The following MVB12B variants were observed in gnomAD, a reference collection of about 807,000 sequenced individuals.
The protein encoded by MVB12B is multivesicular body subunit 12B, also known as ESCRT-I complex subunit MVB12B.
Under a neutral mutation model 41.6 loss-of-function variants are expected in MVB12B, and 16 were observed. The observed-to-expected ratio is 0.38, with a 90% CI of 0.26 to 0.58. The LOEUF (loss-of-function observed/expected upper bound fraction) is 0.58. Among genes scored for constraint, MVB12B ranks in the 20% least tolerant of loss-of-function variants. MVB12B has a pLI of 0.62. For missense variants in MVB12B, 274 were observed against 380.2 expected (o/e 0.72, Z 2.32); for synonymous variants, 133 against 139.7 (o/e 0.95, Z 0.34).
rs7873309 is a variant in MVB12B at position 126,366,273 on chromosome 9, G to C, written c.205-14791G>C. On this transcript the variant is annotated intron_variant, in intron 2 of 9. Transcript: ENST00000361171. Reference sequence around the variant, plus strand: ...CTCAATTCCTAAATTGTCTAACTCAGTGGCTCTTTCCTAATCCGTATTCTT... The same window carrying C: ...CTCAATTCCTAAATTGTCTAACTCACTGGCTCTTTCCTAATCCGTATTCTT... Among the ~76,000 whole-genome samples the C allele has an allele frequency of 8.0e-3, 1,214 of 151,972 alleles. 22 individuals are homozygous for C. The highest frequency in any genetic ancestry group is 0.028 in the African/African-American group (1,170 of 41,390).
intron 7 of MVB12B, among the ~76,000 whole-genome samples, chr9:126,449,177 C>CT (rs1832845982): frequency 6.6e-6 from 1 of 152,242 alleles, no homozygotes; most frequent in South Asian, 2.1e-4. Context: ...GGGGCCTGGA[C>CT]TGGCAGAGAG....
chr9:126,397,727 GTGT>G (rs944900156), intron 6 of MVB12B: 8 of 622,562 alleles, frequency 1.3e-5, no homozygotes, highest in Non-Finnish European at 1.6e-5. Context: ...GTTTTTTTGT[GTGT>G]TGTTTTCCTA....
chr9:126,327,253 G>A (rs1588073573), intron 1 of MVB12B: 4 of 984,512 alleles, frequency 4.1e-6, no homozygotes, highest in Non-Finnish European at 4.8e-6. Flanking sequence ...GGCGGGAGAA[G>A]CTGGGGGACC....
chr9:126,406,568 C>T (rs1215742429), intron 6 of MVB12B, among the ~76,000 whole-genome samples: 5 of 152,170 alleles, frequency 3.3e-5, no homozygotes, highest in Admixed American at 3.3e-4. Context: ...CTAGCAGTGC[C>T]CATATGTTCC....
intron 7 of MVB12B, chr9:126,448,273 GC>G (rs1471789770): frequency 6.6e-6 from 1 of 152,538 alleles, no homozygotes; most frequent in Non-Finnish European, 1.5e-5. Flanking sequence ...GTGGGCACAA[GC>G]CCTGCTTTCA....
At chr9:126,447,482 A>C (rs1832801911) in intron 7 of MVB12B, among the ~76,000 whole-genome samples, 1 of 152,086 alleles carries the variant, frequency 6.6e-6, no homozygotes, top group South Asian at 2.1e-4. Flanking sequence ...TAGAAAAGAC[A>C]TTTCTAAGTA....
chr9:126,390,951 CAAAA>C (rs1214109113), intron 4 of MVB12B, among the ~76,000 whole-genome samples: 1 of 76,616 alleles, frequency 1.3e-5, no homozygotes, highest in African/African-American at 4.7e-5. Flanking sequence ...GACTCCATCT[CAAAA>C]AAAAAAAAAA....
chr9:126,330,922 T>C (rs1001753713), intron 1 of MVB12B, among the ~76,000 whole-genome samples: 18 of 152,204 alleles, frequency 1.2e-4, no homozygotes, highest in African/African-American at 4.3e-4. Flanking sequence ...GTTCATCATG[T>C]TGTAGCATAT....
At chr9:126,499,644 G>A in intron 9 of MVB12B, among the ~76,000 whole-genome samples, 1 of 152,200 alleles carries the variant, frequency 6.6e-6, no homozygotes, top group East Asian at 1.9e-4. Context: ...CTGCGGGAAG[G>A]CGGCCGCAGC....
chr9:126,453,361 C>T (rs1005684644), intron 7 of MVB12B, among the ~76,000 whole-genome samples: 8 of 152,144 alleles, frequency 5.3e-5, no homozygotes, highest in East Asian at 1.9e-4. Flanking sequence ...GCTGAGCACC[C>T]GGAGCAGACC....
rs116175727 is a variant in MVB12B at position 126,396,484 on chromosome 9, C to T, written c.662+787C>T. ...TAAATGAGAATGGATCTCCAAGCTT[C>T]CACGTGGGTGAATAGAGATGAACAA... On this transcript the variant is annotated intron_variant, in intron 6 of 9. Transcript: ENST00000361171. 2,840 of 985,472 alleles carry T rather than the reference C, an allele frequency of 2.9e-3. 75 individuals carry two copies. The African/African-American group carries it at 0.047, about 16-fold the overall frequency. The allele number at this position is 985,472 out of a possible 1,614,324, so 61.0% of individuals were successfully genotyped here. A position where few individuals can be genotyped will look rare whatever the true frequency, so the allele number is the denominator to read the frequency against.
chr9:126,414,730 A>G (rs1006109748), intron 6 of MVB12B, among the ~76,000 whole-genome samples: 2 of 152,202 alleles, frequency 1.3e-5, no homozygotes, highest in Middle Eastern at 3.4e-3. Context: ...ATCTGCCTAC[A>G]GAGTGGTCAA....
At chr9:126,334,484 AG>A (rs34839803) in intron 1 of MVB12B, among the ~76,000 whole-genome samples, 1 of 152,250 alleles carries the variant, frequency 6.6e-6, no homozygotes, top group Non-Finnish European at 1.5e-5. Flanking sequence ...TGATTCTGGC[AG>A]GGGCCCCCAT....
intron 2 of MVB12B, among the ~76,000 whole-genome samples, chr9:126,355,255 C>T (rs576328525): frequency 1.3e-5 from 2 of 152,298 alleles, no homozygotes; most frequent in East Asian, 3.9e-4. Context: ...GACCCCAAGC[C>T]AGACTCCAGC....
At chr9:126,385,765 A>G (rs772750187) in intron 3 of MVB12B, among the ~76,000 whole-genome samples, 1 of 152,206 alleles carries the variant, frequency 6.6e-6, no homozygotes, top group Non-Finnish European at 1.5e-5. Context: ...GAAGATTTTA[A>G]TGAAATCTCC....
At chr9:126,427,482 C>T (rs1832214333) in intron 7 of MVB12B, among the ~76,000 whole-genome samples, 1 of 152,108 alleles carries the variant, frequency 6.6e-6, no homozygotes, top group South Asian at 2.1e-4. Flanking sequence ...GGTTTTTTGT[C>T]TTACGGCAGG....
At chr9:126,455,524 G>T in intron 7 of MVB12B, among the ~76,000 whole-genome samples, 1 of 152,076 alleles carries the variant, frequency 6.6e-6, no homozygotes, top group Non-Finnish European at 1.5e-5. Flanking sequence ...TTTCTCTGTT[G>T]CCCAGGTTGG....
At position 126,395,921 on chromosome 9, in the gene MVB12B, G is replaced by T; in HGVS notation, c.662+224G>T. The T allele has an allele frequency of 5.9e-6, 8 of 1,345,814 alleles. No individual in the cohort carries two copies. Among genetic ancestry groups the T allele is most frequent in the Non-Finnish European group, 7.6e-6 (8 of 1,051,666 alleles). The allele number at this position is 1,345,814 out of a possible 1,614,324, so 83.4% of individuals were successfully genotyped here. ...AGTCTATTTTGTGCGTGTTCTGCAG[G>T]CTTCTAAAATTGCAGATTATGCAAC... On this transcript the variant is annotated intron_variant, in intron 6 of 9. Coordinates refer to ENST00000361171, the MANE Select transcript of MVB12B (RefSeq NM_033446.3). This position sits in a 1 kb window ranked among gnomAD's most constrained non-coding sequence, Gnocchi z 4.9.
intron 9 of MVB12B, among the ~76,000 whole-genome samples, chr9:126,502,070 GA>G (rs1341567682): frequency 6.6e-6 from 1 of 152,218 alleles, no homozygotes; most frequent in East Asian, 1.9e-4. Context: ...GTCTGCAGGG[GA>G]GCCCTTCTTA....
Sources: gnomAD v4.1 joint callset for allele counts (sites outside exome capture counted in the v4.1 genomes callset) on GRCh38, gnomAD v4.1.1 for gene constraint, Gnocchi (gnomAD v3.1) non-coding constraint, MANE v1.5 for transcripts, NCBI Gene and HGNC (gene_info 2026-07-23, HGNC 2026-07-21) for gene names.